Variants in PCDHGB3 observed in about 807,000 individuals in gnomAD.
The protein encoded by PCDHGB3 is protocadherin gamma subfamily B, 3.
A neutral mutation model predicts 59.2 loss-of-function variants in PCDHGB3; 40 were observed. The ratio of observed to expected loss-of-function variants is 0.68; its 90% CI spans 0.52 to 0.88. The LOEUF (loss-of-function observed/expected upper bound fraction) is 0.88, where lower values mean the gene tolerates loss of function less well. Ranked by LOEUF, PCDHGB3 falls within the 40% of genes least tolerant of loss-of-function variation. The probability of loss-of-function intolerance (pLI) is 0.00; values close to 1 mark genes in which losing one functional copy is unlikely to be tolerated. For synonymous variants in PCDHGB3, 581 were observed against 503.6 expected (o/e 1.15, Z -2.06); for missense variants, 1,309 against 1,187.9 (o/e 1.10, Z -1.50).
intron 1 of PCDHGB3, chr5:141,374,260 G>T: frequency 1.2e-6 from 2 of 1,613,998 alleles, no homozygotes; most frequent in Non-Finnish European, 1.7e-6. Flanking sequence ...CCCAGGAGTT[G>T]GCGGAGCACG....
At chr5:141,497,983 C>T (rs2099780927) in intron 2 of PCDHGB3, among the ~76,000 whole-genome samples, 1 of 152,168 alleles carries the variant, frequency 6.6e-6, no homozygotes, top group African/African-American at 2.4e-5. Context: ...GTGGGAGGCC[C>T]CTGCCCTCAA....
Position 141,400,219 on chromosome 5 carries a change from C to T in PCDHGB3, c.2415+27410C>T, listed in dbSNP as rs1200450595. On this transcript the variant is annotated intron_variant, in intron 1 of 3. Coordinates refer to ENST00000576222, the MANE Select transcript of PCDHGB3 (RefSeq NM_018924.5). ...GGTGGCCTTGGCCTTGATCTCAGTG[C>T]TCTTCCTCCTGGCCGTGATTCTGGC... The T allele has an allele frequency of 1.9e-6, 3 of 1,613,934 alleles. No homozygotes were observed. Among genetic ancestry groups the T allele is most frequent in the African/African-American group, 1.3e-5 (1 of 74,930 alleles).
chr5:141,408,817 G>T (rs2095174337), intron 1 of PCDHGB3: 2 of 1,613,438 alleles, frequency 1.2e-6, no homozygotes, highest in Admixed American at 1.7e-5. Context: ...GGGAAGAACA[G>T]AGATCTCATA....
At chr5:141,405,094 C>T (rs1289372327) in intron 1 of PCDHGB3, 4 of 1,613,840 alleles carry the variant, frequency 2.5e-6, no homozygotes, top group Non-Finnish European at 3.4e-6. Flanking sequence ...TGCTGGCCCT[C>T]AGGCTGAGGC....
chr5:141,388,326 C>T, intron 1 of PCDHGB3: 1 of 1,613,878 alleles, frequency 6.2e-7, no homozygotes, highest in Non-Finnish European at 8.5e-7. Context: ...GTCTGCACAG[C>T]CTGGCACACG....
intron 1 of PCDHGB3, among the ~76,000 whole-genome samples, chr5:141,400,831 C>CT (rs1457237248): frequency 1.3e-5 from 2 of 152,146 alleles, no homozygotes; most frequent in Admixed American, 6.5e-5. Flanking sequence ...TTGTCTCATT[C>CT]TTTAACATGT....
At chr5:141,389,349 A>G in intron 1 of PCDHGB3, 1 of 1,613,980 alleles carries the variant, frequency 6.2e-7, no homozygotes, top group South Asian at 1.1e-5. Context: ...CTCTTACTGC[A>G]TCATGGCCAG....
In PCDHGB3 at chr5:141,489,664, A is replaced by C. The variant is rs745597010; in HGVS notation, c.2416-5143A>C. 1.9e-6 allele frequency: 3 copies of C among 1,614,224 alleles called. No individual in the cohort carries two copies. Among genetic ancestry groups the C allele is most frequent in the African/African-American group, 1.3e-5 (1 of 75,058 alleles). On this transcript the variant is annotated intron_variant, in intron 1 of 3. Transcript: ENST00000576222. This position sits in a 1 kb window ranked among gnomAD's most constrained non-coding sequence, Gnocchi z 4.5. ...TGCCACCCCTGAGCGAGAGATGCGC[A>C]TCTCAGAATCAGCAGCATCTGGGGC... is the stretch of plus-strand genomic sequence containing the variant.
rs1055042563 is a variant in PCDHGB3, at chr5:141,512,805, C to G, written c.*1632C>G. On this transcript the variant is annotated 3_prime_UTR_variant, in exon 4 of 4. Coordinates refer to ENST00000576222, the MANE Select transcript of PCDHGB3 (RefSeq NM_018924.5). ...TGTTGTGTTTTGTGCTGTGTCCACG[C>G]GCTAAGGCGACCCCCTCCCCCGTAC... 3.0e-4 allele frequency: 46 copies of G among 152,378 alleles called. No individual in the cohort carries two copies. Among genetic ancestry groups the G allele is most frequent in the African/African-American group, 9.9e-4 (41 of 41,570 alleles). The allele number at this position is 152,378 out of a possible 1,614,324, so 9.4% of individuals were successfully genotyped here.
chr5:141,410,435 G>A (rs772158163), intron 1 of PCDHGB3: 1 of 1,614,054 alleles, frequency 6.2e-7, no homozygotes, highest in Non-Finnish European at 8.5e-7. Context: ...CAACTACAGT[G>A]AGGGGACTTT....
Position 141,432,530 on chromosome 5 carries a change from G to C in PCDHGB3, c.2415+59721G>C. On this transcript the variant is annotated intron_variant, in intron 1 of 3. Transcript: ENST00000576222. This position sits in a 1 kb window ranked among gnomAD's most constrained non-coding sequence, Gnocchi z 6.0. ...AGAGCCCGGCTACCTGGTGACCAAG[G>C]TGGTGGCGGTGGACAGAGACTCCGG... 6.2e-7 allele frequency: 1 copy of C among 1,614,076 alleles called. No homozygotes were observed. Among genetic ancestry groups the C allele is most frequent in the South Asian group, 1.1e-5 (1 of 91,082 alleles).
intron 1 of PCDHGB3, among the ~76,000 whole-genome samples, chr5:141,442,784 A>C (rs1267270442): frequency 2.0e-5 from 3 of 152,212 alleles, no homozygotes; most frequent in Non-Finnish European, 4.4e-5. Flanking sequence ...ATTATATTTT[A>C]TAATTTTACT....
chr5:141,495,545 A>G (rs1174346915), intron 2 of PCDHGB3, among the ~76,000 whole-genome samples: 3 of 151,824 alleles, frequency 2.0e-5, no homozygotes, highest in Non-Finnish European at 4.4e-5. Flanking sequence ...CTCAGTCTCT[A>G]TCTCGCTTTG....
At chr5:141,439,445 G>A (rs1030957687) in intron 1 of PCDHGB3, among the ~76,000 whole-genome samples, 5 of 152,102 alleles carry the variant, frequency 3.3e-5, no homozygotes, top group African/African-American at 4.8e-5. Flanking sequence ...ATTTTATTGC[G>A]GGAGCAAGAC....
intron 1 of PCDHGB3, among the ~76,000 whole-genome samples, chr5:141,457,898 A>T (rs1035775197): frequency 6.6e-6 from 1 of 151,874 alleles, no homozygotes; most frequent in Non-Finnish European, 1.5e-5. Context: ...GACTGTGTAG[A>T]CAAGGTGTGA....
intron 1 of PCDHGB3, chr5:141,400,584 A>G (rs745551734): frequency 1.9e-6 from 3 of 1,609,038 alleles, no homozygotes; most frequent in Non-Finnish European, 8.5e-7. Flanking sequence ...TATTTACATG[A>G]AACTATCGTA....
chr5:141,469,372 C>T (rs780872014), intron 1 of PCDHGB3, among the ~76,000 whole-genome samples: 2 of 151,990 alleles, frequency 1.3e-5, no homozygotes, highest in African/African-American at 2.4e-5. Context: ...GTAAAGAGAT[C>T]GAGACCATCC....
At chr5:141,484,300 C>G (rs927710366) in intron 1 of PCDHGB3, among the ~76,000 whole-genome samples, 1 of 152,190 alleles carries the variant, frequency 6.6e-6, no homozygotes, top group Non-Finnish European at 1.5e-5. Context: ...CTCCTGGCTT[C>G]CTCCACCCCG....
chr5:141,371,274 C>G lies in PCDHGB3; in HGVS notation c.880C>G (p.Leu294Val). ...CAAGGAAGTGAGACAACTGTTCAAG[C>G]TGGACAGTAAAACGGGGGAACTCAC... The part of the protein sequence containing the change: ...IGKEVRQLFK[L>V]DSKTGELTTI... Residue 294 changes from leucine (L) to valine (V), a missense_variant, in exon 1 of 4, where the codon CTG becomes GTG. By Grantham distance (32) the Leu-to-Val change is conservative (BLOSUM62 1). Coordinates refer to ENST00000576222, the MANE Select transcript of PCDHGB3 (RefSeq NM_018924.5). 6.2e-7 allele frequency: 1 copy of G among 1,613,982 alleles called. No individual in the cohort carries two copies. Among genetic ancestry groups the G allele is most frequent in the South Asian group, 1.1e-5 (1 of 91,086 alleles).
Sources: allele counts gnomAD v4.1 joint callset (sites outside exome capture counted in the v4.1 genomes callset), GRCh38; gene constraint gnomAD v4.1.1; non-coding constraint Gnocchi (gnomAD v3.1); transcripts MANE v1.5; gene names NCBI Gene and HGNC (gene_info 2026-07-23, HGNC 2026-07-21).